CCDC62: variants seen among roughly 807,000 people sequenced by gnomAD.
The protein encoded by CCDC62 is coiled-coil domain-containing protein 62.
A neutral mutation model predicts 80.8 loss-of-function variants in CCDC62; 72 were observed. The ratio of observed to expected loss-of-function variants is 0.89; its 90% CI spans 0.74 to 1.08. The LOEUF (loss-of-function observed/expected upper bound fraction) is 1.08, where lower values mean the gene tolerates loss of function less well. CCDC62 is among the 50% of genes least tolerant of loss of function. The pLI, the probability that CCDC62 is intolerant of heterozygous loss-of-function variation, is 0.00. For missense variants in CCDC62, 704 were observed against 809.4 expected, an observed-to-expected ratio of 0.87 and a Z score of 1.58; for synonymous variants, 286 against 296.5, an observed-to-expected ratio of 0.96 and a Z score of 0.36.
At chr12:122,793,297 G>A (rs2135547725) in intron 6 of CCDC62, among the ~76,000 whole-genome samples, 1 of 152,248 alleles carries the variant, frequency 6.6e-6, no homozygotes, top group South Asian at 2.1e-4. Context: ...AGACCAAAAA[G>A]TGTTCATATG....
At chr12:122,803,212 C>A (rs2094643951) in intron 9 of CCDC62, among the ~76,000 whole-genome samples, 1 of 152,176 alleles carries the variant, frequency 6.6e-6, no homozygotes, top group Non-Finnish European at 1.5e-5. Context: ...ACATATCCGA[C>A]CGTGCCTGCC....
At chr12:122,783,553 C>T (rs1022321730) in intron 3 of CCDC62, among the ~76,000 whole-genome samples, 1 of 152,004 alleles carries the variant, frequency 6.6e-6, no homozygotes, top group African/African-American at 2.4e-5. Context: ...AGTGATATTT[C>T]ATATACGTCT....
At chr12:122,822,666 C>T (rs1009029592) in intron 11 of CCDC62, among the ~76,000 whole-genome samples, 7 of 127,802 alleles carry the variant, frequency 5.5e-5, no homozygotes, top group East Asian at 3.2e-4. Flanking sequence ...CTCCGCCTCC[C>T]GGGTTCACAC....
At chr12:122,798,932 T>G (rs1430485164) in intron 8 of CCDC62, among the ~76,000 whole-genome samples, 1 of 151,550 alleles carries the variant, frequency 6.6e-6, no homozygotes, top group Non-Finnish European at 1.5e-5. Flanking sequence ...ACAAAAAAAT[T>G]AGCCAGGCAT....
chr12:122,810,258 G>T (rs1013790781), intron 10 of CCDC62, among the ~76,000 whole-genome samples: 20 of 152,050 alleles, frequency 1.3e-4, no homozygotes, highest in Non-Finnish European at 2.6e-4. Flanking sequence ...GAAAATTTTT[G>T]CAATCTATTC....
Position 122,801,424 on chromosome 12 carries a change from A to G in CCDC62, c.1278A>G (p.Thr426=). ...KTQIEPENKI[T]LCKIHTKSPK... is the part of the protein sequence containing the mutation. ...AGATTGAACCCGAAAACAAAATTAC[A>G]TTGTGCAAGATCCACACAAAATCAC... Residue 426 remains threonine (T), a synonymous_variant, in exon 9 of 13, where the codon ACA becomes ACG. Coordinates refer to ENST00000253079, the MANE Select transcript of CCDC62 (RefSeq NM_201435.5). The G allele has an allele frequency of 1.9e-6, 3 of 1,613,862 alleles. No homozygotes were observed. Among genetic ancestry groups the G allele is most frequent in the African/African-American group, 1.3e-5 (1 of 74,934 alleles).
intron 2 of CCDC62, among the ~76,000 whole-genome samples, chr12:122,780,844 G>A (rs1879812087): frequency 6.6e-6 from 1 of 152,006 alleles, no homozygotes; most frequent in African/African-American, 2.4e-5. Context: ...TTCAAATTAA[G>A]CTATAATTTT....
chr12:122,823,531 C>T (rs1397399823), intron 12 of CCDC62, 72 bp downstream of exon 12: 7 of 791,526 alleles, frequency 8.8e-6, no homozygotes, highest in Admixed American at 2.0e-5. Context: ...ACATCGATAA[C>T]GTTGAGTCAA....
intron 10 of CCDC62, among the ~76,000 whole-genome samples, chr12:122,812,002 G>A (rs1341547549): frequency 6.6e-6 from 1 of 152,060 alleles, no homozygotes; most frequent in Admixed American, 6.6e-5. Context: ...GTCCTATTTT[G>A]CAAGTATTTT....
intron 1 of CCDC62, 72 bp downstream of exon 1, chr12:122,774,778 A>AT: frequency 8.9e-7 from 1 of 1,125,500 alleles, no homozygotes; most frequent in Non-Finnish European, 1.1e-6. Context: ...ATTGCTTCTC[A>AT]AGAACGGTGT....
At chr12:122,804,156 A>G (rs1296822325) in intron 9 of CCDC62, among the ~76,000 whole-genome samples, 1 of 152,184 alleles carries the variant, frequency 6.6e-6, no homozygotes, top group Non-Finnish European at 1.5e-5. Flanking sequence ...CCGTGCAGGG[A>G]GAAACTGGGG....
At chr12:122,808,715 T>C (rs557525854) in intron 10 of CCDC62, among the ~76,000 whole-genome samples, 19 of 152,198 alleles carry the variant, frequency 1.2e-4, no homozygotes, top group South Asian at 6.2e-4. Context: ...GTTGTGGAGA[T>C]GTGGTCTTGT....
At chr12:122,808,496 G>C (rs1442546830) in intron 10 of CCDC62, among the ~76,000 whole-genome samples, 1 of 151,856 alleles carries the variant, frequency 6.6e-6, no homozygotes, top group Non-Finnish European at 1.5e-5. Flanking sequence ...TGGAATGCTA[G>C]CTAGCTCATA....
At chr12:122,783,596 A>G (rs1359406813) in intron 3 of CCDC62, among the ~76,000 whole-genome samples, 1 of 152,162 alleles carries the variant, frequency 6.6e-6, no homozygotes, top group Non-Finnish European at 1.5e-5. Flanking sequence ...TCATAATAGT[A>G]TAGATTTTTA....
At chr12:122,825,760 C>A (rs1472385360) in intron 12 of CCDC62, among the ~76,000 whole-genome samples, 2 of 149,174 alleles carry the variant, frequency 1.3e-5, no homozygotes, top group Non-Finnish European at 3.0e-5. Context: ...CCGAGGTGGG[C>A]GGATCGCCTG....
Position 122,801,299 on chromosome 12 carries a change from A to G in CCDC62, c.1153A>G (p.Thr385Ala). 6.2e-7 allele frequency: 1 copy of G among 1,614,128 alleles called. No homozygotes were observed. The highest frequency in any genetic ancestry group is 8.5e-7 in the Non-Finnish European group (1 of 1,180,010). ...CAAAGAGAAGAAACAACAGATCGAT[A>G]CTGTGTTTGGGGAGAAAAGTGTAAT... is the stretch of plus-strand genomic sequence containing the variant. ...ECKEKKQQID[T>A]VFGEKSVITL... The change falls in exon 9 of 13, where the codon ACT becomes GCT. Residue 385 changes from threonine (T) to alanine (A), a missense_variant. Physicochemically the swap from Thr to Ala is moderately conservative, Grantham distance 58. Transcript: ENST00000253079.
At chr12:122,792,903 A>G (rs551781898) in intron 6 of CCDC62, among the ~76,000 whole-genome samples, 1 of 152,182 alleles carries the variant, frequency 6.6e-6, no homozygotes, top group East Asian at 1.9e-4. Context: ...CCCAGTCACT[A>G]TTTCCTCTTC....
At chr12:122,798,265 G>A (rs1052798121) in intron 8 of CCDC62, 65 bp downstream of exon 8, 30 of 831,188 alleles carry the variant, frequency 3.6e-5, no homozygotes, top group South Asian at 7.1e-5. Context: ...TATTTACTGC[G>A]CACTTACTGT....
At position 122,801,361 on chromosome 12, in the gene CCDC62, G is replaced by A. The variant is rs1424808715; in HGVS notation, c.1215G>A (p.Glu405=). The change falls in exon 9 of 13, where the codon GAG becomes GAA. Residue 405 remains glutamate, a synonymous_variant. Coordinates refer to ENST00000253079, the MANE Select transcript of CCDC62 (RefSeq NM_201435.5). Reference sequence around the variant, plus strand: ...CCATATTCACCAAAGACTTAGTAGAGAAACACAACCTCCCTTGGTCTCTGG... The same window carrying A: ...CCATATTCACCAAAGACTTAGTAGAAAAACACAACCTCCCTTGGTCTCTGG... ...LSSIFTKDLV[E]KHNLPWSLGG... is the part of the protein sequence containing the mutation. 6.2e-7 allele frequency: 1 copy of A among 1,614,134 alleles called. No homozygotes were observed.
Sources: gnomAD v4.1 joint callset for allele counts (sites outside exome capture counted in the v4.1 genomes callset) on GRCh38, gnomAD v4.1.1 for gene constraint, MANE v1.5 for transcripts, NCBI Gene and HGNC (gene_info 2026-07-23, HGNC 2026-07-21) for gene names.